Variants in NUGGC observed in about 807,000 individuals in gnomAD.
NUGGC encodes the protein nuclear GTPase, germinal center associated, also known as nuclear GTPase SLIP-GC.
In NUGGC, 58 loss-of-function variants were observed where a neutral mutation model predicts 92.6. The observed-to-expected ratio is 0.63, with a 90% CI of 0.51 to 0.78. NUGGC has a LOEUF of 0.78. Among genes scored for constraint, NUGGC ranks in the 30% least tolerant of loss-of-function variants. The pLI, the probability that NUGGC is intolerant of heterozygous loss-of-function variation, is 0.00. For synonymous variants in NUGGC, 376 were observed against 366.4 expected (o/e 1.03, Z -0.30); for missense variants, 925 against 964.6 (o/e 0.96, Z 0.54).
rs778482764 is a variant in NUGGC at position 28,029,367 on chromosome 8, G to A, written c.2053C>T (p.Arg685Trp). The A allele has an allele frequency of 7.4e-6, 12 of 1,612,018 alleles. No homozygotes were observed. The highest frequency in any genetic ancestry group is 6.7e-5 in the African/African-American group (5 of 74,812). ...AQITGKKACE[R>W]MKDAIRRGVD... ...CCTCTTCTGATGGCATCTTTCATCC[G>A]CTCACACGCTTTTTTGCCCGTGATC... The change falls in exon 17 of 19, where the codon CGG becomes TGG. Residue 685 changes from arginine to tryptophan, a missense_variant. Coordinates refer to ENST00000413272, the MANE Select transcript of NUGGC (RefSeq NM_001010906.2).
At position 28,064,637 on chromosome 8, in the gene NUGGC, A is replaced by T; in HGVS notation, c.806T>A (p.Ile269Asn). 6.2e-7 allele frequency: 1 copy of T among 1,613,916 alleles called. No individual in the cohort carries two copies. Among genetic ancestry groups the T allele is most frequent in the East Asian group, 2.2e-5 (1 of 44,870 alleles). The change falls in exon 7 of 19, where the codon ATC (isoleucine) becomes AAC (asparagine). Residue 269 changes from isoleucine to asparagine, a missense_variant. Physicochemically the swap from Ile to Asn is moderately radical, Grantham distance 149. Coordinates refer to ENST00000413272, the MANE Select transcript of NUGGC (RefSeq NM_001010906.2). ...GGGAAGTGTCACTTCCACATGTTTGATCAAGGGCCAGATGCGCATCTCAGC... is the reference window on the plus strand; with the variant it reads ...GGGAAGTGTCACTTCCACATGTTTGTTCAAGGGCCAGATGCGCATCTCAGC... ...EAAEMRIWPL[I>N]KHVEVTLPKS...
chr8:28,071,540 A>G (rs1026560524), intron 2 of NUGGC, among the ~76,000 whole-genome samples: 5 of 152,230 alleles, frequency 3.3e-5, no homozygotes, highest in Admixed American at 1.3e-4. Flanking sequence ...GCTTCCTTGC[A>G]TAATAAGCAA....
At position 28,033,561 on chromosome 8, in the gene NUGGC, G is replaced by A. The variant is rs1478545334; in HGVS notation, c.1748C>T (p.Pro583Leu). The A allele has an allele frequency of 1.4e-5, 22 of 1,613,560 alleles. No homozygotes were observed. Among genetic ancestry groups the A allele is most frequent in the Non-Finnish European group, 1.6e-5 (19 of 1,179,810 alleles). ...LTQPVYDQID[P>L]VFGSIFRTGK... ...TTACCTAAAAATGCTTCCAAAAACAGGGTCGATCTGGTCATAGACGGGCTG... is the reference window on the plus strand; with the variant it reads ...TTACCTAAAAATGCTTCCAAAAACAAGGTCGATCTGGTCATAGACGGGCTG... Residue 583 changes from proline to leucine, a missense_variant, in exon 14 of 19, where the codon CCT becomes CTT. Physicochemically the swap from Pro to Leu is moderately conservative, Grantham distance 98. Transcript: ENST00000413272.
intron 14 of NUGGC, among the ~76,000 whole-genome samples, chr8:28,031,919 T>C (rs1184167826): frequency 2.0e-5 from 3 of 152,148 alleles, no homozygotes; most frequent in African/African-American, 2.4e-5. Flanking sequence ...TTGGGTGCCA[T>C]TGGGAAAGAT....
At chr8:28,048,040 A>C (rs1809885607) in intron 10 of NUGGC, among the ~76,000 whole-genome samples, 1 of 152,188 alleles carries the variant, frequency 6.6e-6, no homozygotes. Context: ...GCATTCAGTG[A>C]CGTCACACTG....
At chr8:28,080,220 G>A (rs28712890) in intron 1 of NUGGC, among the ~76,000 whole-genome samples, 3,205 of 152,188 alleles carry the variant, frequency 0.021, 120 homozygotes, top group African/African-American at 0.073. Flanking sequence ...GGGATTACAG[G>A]CATGAGCCAC....
At chr8:28,067,471 G>C (rs1291024351) in intron 6 of NUGGC, 43 bp downstream of exon 6, 3 of 1,293,078 alleles carry the variant, frequency 2.3e-6, no homozygotes, top group Admixed American at 3.9e-5. Context: ...TGTTAGACTT[G>C]AGACCCAGGA....
chr8:28,037,573 C>G (rs1398952213), intron 13 of NUGGC, among the ~76,000 whole-genome samples: 1 of 152,204 alleles, frequency 6.6e-6, no homozygotes, highest in African/African-American at 2.4e-5. Context: ...TAGTCCTTCT[C>G]TTCTGGAGAA....
At chr8:28,068,878 A>C (rs1196339314) in intron 4 of NUGGC, among the ~76,000 whole-genome samples, 2 of 152,180 alleles carry the variant, frequency 1.3e-5, no homozygotes, top group Non-Finnish European at 2.9e-5. Context: ...CTGGAACTAC[A>C]GGCGTGCTCC....
At chr8:28,045,834 G>A (rs1437589481) in intron 11 of NUGGC, among the ~76,000 whole-genome samples, 174 bp from the exon 12 acceptor site, 7 of 152,114 alleles carry the variant, frequency 4.6e-5, no homozygotes, top group African/African-American at 1.4e-4. Flanking sequence ...CCATGTCTAG[G>A]ATCAATGACA....
rs1174985133 is a variant in NUGGC at position 28,059,392 on chromosome 8, T to C, written c.1097+1034A>G. 2.0e-5 allele frequency among the ~76,000 whole-genome samples: 3 copies of C among 152,310 alleles called. No homozygotes were observed. In the East Asian group the frequency reaches 5.8e-4, roughly 29 times the overall value. On this transcript the variant is annotated intron_variant, in intron 8 of 18. Coordinates refer to ENST00000413272, the MANE Select transcript of NUGGC (RefSeq NM_001010906.2). Reference sequence around the variant, plus strand: ...TTCCTAACTATAGGGACAACAGAGCTCTCCATAGAAATCAACATCTATTAA... The same window carrying C: ...TTCCTAACTATAGGGACAACAGAGCCCTCCATAGAAATCAACATCTATTAA...
At chr8:28,035,216 G>T (rs1475845491) in intron 13 of NUGGC, among the ~76,000 whole-genome samples, 1 of 152,198 alleles carries the variant, frequency 6.6e-6, no homozygotes, top group Non-Finnish European at 1.5e-5. Flanking sequence ...TGTGATCTGG[G>T]TTTTTCAATC....
chr8:28,026,928 A>T, intron 18 of NUGGC, 34 bp downstream of exon 18: 4 of 1,428,060 alleles, frequency 2.8e-6, no homozygotes, highest in Non-Finnish European at 4.0e-6. Flanking sequence ...CTGTCTGCAC[A>T]ATCACCCTGT....
chr8:28,037,305 T>G (rs530865134), intron 13 of NUGGC, among the ~76,000 whole-genome samples: 1 of 152,308 alleles, frequency 6.6e-6, no homozygotes, highest in South Asian at 2.1e-4. Flanking sequence ...AAGCTGACTG[T>G]CAGCCTATTC....
At position 28,030,385 on chromosome 8, in the gene NUGGC, T is replaced by G. The variant is rs974664756; in HGVS notation, c.1942A>C (p.Ile648Leu). ...SAILGGLEDH[I>L]LRRKRRIYES... Reference sequence around the variant, plus strand: ...TAGATCCTCCTCTTCCTTCTGAGGATGTGGTCCTCCAGGCCCCCGAGGATG... The same window carrying G: ...TAGATCCTCCTCTTCCTTCTGAGGAGGTGGTCCTCCAGGCCCCCGAGGATG... The change falls in exon 16 of 19, where the codon ATC becomes CTC. Residue 648 changes from isoleucine (I) to leucine (L), a missense_variant. Ile to Leu is a conservative substitution (Grantham distance 5). Transcript: ENST00000413272. The G allele has an allele frequency of 6.3e-7, 1 of 1,578,704 alleles. No individual in the cohort carries two copies. Among genetic ancestry groups the G allele is most frequent in the Non-Finnish European group, 8.6e-7 (1 of 1,160,642 alleles).
Position 28,030,356 on chromosome 8 carries a change from C to A in NUGGC, c.1971G>T (p.Glu657Asp). 6.3e-7 allele frequency: 1 copy of A among 1,581,470 alleles called. No homozygotes were observed. ...HILRRKRRIYESLTASVQSDL... is the reference protein window; with the variant it reads ...HILRRKRRIYDSLTASVQSDL... ...CACTCTGGACAGAGGCAGTGAGGGA[C>A]TCGTAGATCCTCCTCTTCCTTCTGA... is the stretch of plus-strand genomic sequence containing the variant. The change falls in exon 16 of 19, where the codon GAG becomes GAT. Residue 657 changes from glutamate to aspartate, a missense_variant. Coordinates refer to ENST00000413272, the MANE Select transcript of NUGGC (RefSeq NM_001010906.2).
Position 28,081,679 on chromosome 8 carries a change from C to T in NUGGC, c.-47+2096G>A, listed in dbSNP as rs145385245. Among the ~76,000 whole-genome samples, 362 of 152,224 alleles carry T rather than the reference C, an allele frequency of 2.4e-3. 4 individuals carry two copies. Among genetic ancestry groups the T allele is most frequent in the African/African-American group, 8.1e-3 (337 of 41,524 alleles). Reference sequence around the variant, plus strand: ...AGATCATGAGGTCAGGAGTTTGAGACCATCCTGGCTAACTCGGTGAAACTC... The same window carrying T: ...AGATCATGAGGTCAGGAGTTTGAGATCATCCTGGCTAACTCGGTGAAACTC... On this transcript the variant is annotated intron_variant, in intron 1 of 18. Transcript: ENST00000413272.
intron 12 of NUGGC, 34 bp downstream of exon 12, chr8:28,045,493 G>C (rs191447664): frequency 1.3e-6 from 2 of 1,598,538 alleles, no homozygotes; most frequent in Non-Finnish European, 8.5e-7. Flanking sequence ...TGCCCAGGAA[G>C]GGGGAGAATA....
rs771242077 is a variant in NUGGC at position 28,030,365 on chromosome 8, C to T, written c.1962G>A (p.Arg654=). The part of the protein sequence containing the change: ...LEDHILRRKR[R]IYESLTASVQ... ...CAGAGGCAGTGAGGGACTCGTAGAT[C>T]CTCCTCTTCCTTCTGAGGATGTGGT... The change falls in exon 16 of 19, where the codon AGG becomes AGA. Residue 654 remains arginine (R), a synonymous_variant. Transcript: ENST00000413272. 6.3e-7 allele frequency: 1 copy of T among 1,581,962 alleles called. No homozygotes were observed. The highest frequency in any genetic ancestry group is 1.2e-5 in the South Asian group (1 of 86,012).
Sources: gnomAD v4.1 joint callset for allele counts (sites outside exome capture counted in the v4.1 genomes callset) on GRCh38, gnomAD v4.1.1 for gene constraint, MANE v1.5 for transcripts, NCBI Gene and HGNC (gene_info 2026-07-23, HGNC 2026-07-21) for gene names.